Variants in THRB observed in about 807,000 individuals in gnomAD.
The protein encoded by THRB is thyroid hormone receptor beta.
THRB carries 12 observed loss-of-function variants against 47.8 expected under a neutral mutation model. The observed-to-expected ratio is 0.25, with a 90% CI of 0.16 to 0.41. THRB has a LOEUF of 0.41. THRB is among the 10% of genes least tolerant of loss of function. The pLI is 1.00. For synonymous variants in THRB, 218 were observed against 212.2 expected, an observed-to-expected ratio of 1.03 and a Z score of -0.24; for missense variants, 348 against 589.2, an observed-to-expected ratio of 0.59 and a Z score of 4.24.
intron 1 of THRB, among the ~76,000 whole-genome samples, chr3:24,449,742 A>C (rs2072459643): frequency 6.6e-6 from 1 of 152,178 alleles, no homozygotes; most frequent in Non-Finnish European, 1.5e-5. Context: ...CTTAATTCAA[A>C]GGAGGCGATA....
At chr3:24,190,015 C>T (rs1256012257) in intron 5 of THRB, 59 bp downstream of exon 5, 3 of 1,527,938 alleles carry the variant, frequency 2.0e-6, no homozygotes, top group South Asian at 2.2e-5. Context: ...ACAGCTACAA[C>T]AGGGATATTT....
At chr3:24,141,703 T>C (rs868304025) in intron 8 of THRB, among the ~76,000 whole-genome samples, 3 of 152,196 alleles carry the variant, frequency 2.0e-5, no homozygotes, top group Middle Eastern at 3.2e-3. Flanking sequence ...CCCTTCTCTA[T>C]GGGGAGTAAA....
Position 24,309,306 on chromosome 3 carries a change from A to C in THRB, c.-188-11935T>G, listed in dbSNP as rs2057580902. On this transcript the variant is annotated intron_variant, in intron 2 of 10. Coordinates refer to ENST00000646209, the MANE Select transcript of THRB (RefSeq NM_001354712.2). ...ATAGTTTGACAAAACAACACGCTTA[A>C]GAAGTGTTAGCGGAATAAAGTTTTG... is the stretch of plus-strand genomic sequence containing the variant. Among the ~76,000 whole-genome samples the C allele has an allele frequency of 2.0e-5, 3 of 152,256 alleles. No homozygotes were observed. The South Asian group carries it at 6.2e-4, about 32-fold the overall frequency.
chr3:24,493,151 A>ACATCCTAAAC (rs1196459680), intron 1 of THRB, among the ~76,000 whole-genome samples: 3 of 152,196 alleles, frequency 2.0e-5, no homozygotes, highest in Admixed American at 6.5e-5. Context: ...ACATCCTAAA[A>ACATCCTAAAC]ACATCAACTG....
chr3:24,233,992 CT>C (rs1336955936), intron 3 of THRB, among the ~76,000 whole-genome samples: 3 of 152,202 alleles, frequency 2.0e-5, no homozygotes, highest in African/African-American at 7.2e-5. Context: ...TGTTAAGCCT[CT>C]CTTGAGATGA....
At chr3:24,476,387 G>C (rs1015918309) in intron 1 of THRB, among the ~76,000 whole-genome samples, 6 of 152,166 alleles carry the variant, frequency 3.9e-5, no homozygotes, top group African/African-American at 1.4e-4. Flanking sequence ...TACTCATTTA[G>C]GTTTGTTAAT....
At chr3:24,392,080 TC>T (rs2066617029) in intron 1 of THRB, among the ~76,000 whole-genome samples, 4 of 152,176 alleles carry the variant, frequency 2.6e-5, no homozygotes, top group Admixed American at 2.6e-4. Context: ...TTTATGTGCA[TC>T]TTTTTATTGA....
At chr3:24,208,549 T>G (rs1217564947) in intron 4 of THRB, among the ~76,000 whole-genome samples, 1 of 151,984 alleles carries the variant, frequency 6.6e-6, no homozygotes, top group Non-Finnish European at 1.5e-5. Flanking sequence ...ATACCACACA[T>G]CTACAACCAT....
At chr3:24,274,671 C>A (rs1344384725) in intron 3 of THRB, among the ~76,000 whole-genome samples, 1 of 152,092 alleles carries the variant, frequency 6.6e-6, no homozygotes, top group Non-Finnish European at 1.5e-5. Context: ...AGCTCAATTT[C>A]ACAGGTGTCT....
At chr3:24,310,771 C>T (rs527346117) in intron 2 of THRB, among the ~76,000 whole-genome samples, 22 of 152,128 alleles carry the variant, frequency 1.4e-4, no homozygotes, top group Non-Finnish European at 2.2e-4. Context: ...TGGGTAGAGG[C>T]CAGAGATGCT....
At chr3:24,445,704 G>A (rs1331418764) in intron 1 of THRB, among the ~76,000 whole-genome samples, 1 of 151,980 alleles carries the variant, frequency 6.6e-6, no homozygotes, top group Non-Finnish European at 1.5e-5. Flanking sequence ...TGGCCACATC[G>A]ATGAAGAATC....
intron 1 of THRB, among the ~76,000 whole-genome samples, chr3:24,417,095 A>AACAC (rs67541584): frequency 1.8e-3 from 244 of 135,666 alleles, no homozygotes; most frequent in African/African-American, 5.6e-3. Context: ...ATTTTAAACC[A>AACAC]ACACACACAC....
intron 1 of THRB, among the ~76,000 whole-genome samples, chr3:24,413,537 T>C (rs1279565899): frequency 6.6e-6 from 1 of 151,840 alleles, no homozygotes; most frequent in Non-Finnish European, 1.5e-5. Flanking sequence ...TTAAAAACAT[T>C]GACCTATTAA....
intron 1 of THRB, among the ~76,000 whole-genome samples, chr3:24,382,231 T>C (rs1410800599): frequency 6.6e-6 from 1 of 152,064 alleles, no homozygotes; most frequent in Admixed American, 6.6e-5. Context: ...GGAGAACTGA[T>C]AAATTCTAAA....
chr3:24,324,714 A>T (rs1474819625), intron 2 of THRB, among the ~76,000 whole-genome samples: 1 of 152,240 alleles, frequency 6.6e-6, no homozygotes, highest in Non-Finnish European at 1.5e-5. Flanking sequence ...TGTAGTCCAC[A>T]GATCCAAGAT....
intron 1 of THRB, among the ~76,000 whole-genome samples, chr3:24,395,796 A>C (rs1006912680): frequency 2.0e-5 from 3 of 152,144 alleles, no homozygotes; most frequent in African/African-American, 7.2e-5. Flanking sequence ...GTATGCCCAC[A>C]AAAAAACTTG....
At chr3:24,215,649 C>T (rs1416800870) in intron 4 of THRB, among the ~76,000 whole-genome samples, 1 of 152,200 alleles carries the variant, frequency 6.6e-6, no homozygotes. Flanking sequence ...GACACAGACT[C>T]ATTATCAAAA....
chr3:24,460,934 G>A (rs1489231883), intron 1 of THRB, among the ~76,000 whole-genome samples: 1 of 152,140 alleles, frequency 6.6e-6, no homozygotes, highest in Non-Finnish European at 1.5e-5. Context: ...CAAAAGCCTG[G>A]AAAGTTGTAA....
At chr3:24,223,653 A>C (rs572426338) in intron 4 of THRB, among the ~76,000 whole-genome samples, 1 of 152,304 alleles carries the variant, frequency 6.6e-6, no homozygotes, top group Admixed American at 6.5e-5. Flanking sequence ...TTAATTTTAC[A>C]ACTTTCCTGT....
Sources: allele counts gnomAD v4.1 joint callset (sites outside exome capture counted in the v4.1 genomes callset), GRCh38; gene constraint gnomAD v4.1.1; transcripts MANE v1.5; gene names NCBI Gene and HGNC (gene_info 2026-07-23, HGNC 2026-07-21).